The following C20orf173 variants were observed in gnomAD, a reference collection of about 807,000 sequenced individuals.
C20orf173 encodes the protein chromosome 20 open reading frame 173.
A neutral mutation model predicts 26.7 loss-of-function variants in C20orf173; 22 were observed. The ratio of observed to expected loss-of-function variants is 0.82; its 90% CI spans 0.59 to 1.18. C20orf173 has a LOEUF of 1.18. Among genes scored for constraint, C20orf173 ranks in the 50% most tolerant of loss-of-function variants. The pLI is 0.00. For synonymous variants in C20orf173, 85 were observed against 96.4 expected, an observed-to-expected ratio of 0.88 and a Z score of 0.69; for missense variants, 210 against 250.3, an observed-to-expected ratio of 0.84 and a Z score of 1.09.
rs1207467653 is a variant in C20orf173, at chr20:35,528,563, T to A, written c.489-19A>T. ...GGCATTCCTGGGATAGATGAAGCAT[T>A]GTGTGTGGTTTGGTTCCCCACGTCC... On this transcript the variant is annotated intron_variant, in intron 3 of 5. Transcript: ENST00000444723. 6.4e-7 allele frequency: 1 copy of A among 1,551,268 alleles called. No individual in the cohort carries two copies. The highest frequency in any genetic ancestry group is 1.2e-5 in the South Asian group (1 of 84,048).
downstream of C20orf173, among the ~76,000 whole-genome samples, chr20:35,525,412 C>T (rs375865136): frequency 1.2e-3 from 188 of 152,164 alleles, no homozygotes; most frequent in African/African-American, 4.4e-3. Flanking sequence ...ATTAGCCAGG[C>T]GTAGTGGCGG....
rs2064508762 is a variant in C20orf173 at position 35,527,175 on chromosome 20, C to T, written c.*101G>A. The T allele has an allele frequency of 6.6e-6, 1 of 152,218 alleles. No individual in the cohort carries two copies. Among genetic ancestry groups the T allele is most frequent in the Admixed American group, 6.6e-5 (1 of 15,264 alleles). 9.4% of individuals were successfully genotyped at this position (152,218 alleles called of 1,614,324 possible). A position where few individuals can be genotyped will look rare whatever the true frequency, so the allele number is the denominator to read the frequency against. On this transcript the variant is annotated 3_prime_UTR_variant, in exon 6 of 6. Coordinates refer to ENST00000444723, the MANE Select transcript of C20orf173 (RefSeq NM_001145350.2). ...GACGTGGGCAGTATTTCCTTGGAGC[C>T]CTTGGTCTGATTATCCTCCTTCCAG...
chr20:35,525,024 A>C (rs1299603277), downstream of C20orf173, among the ~76,000 whole-genome samples: 1 of 151,674 alleles, frequency 6.6e-6, no homozygotes, highest in Non-Finnish European at 1.5e-5. Flanking sequence ...CTTTCTAAGA[A>C]AGGGTGTGTA....
downstream of C20orf173, chr20:35,522,459 A>G (rs1347499880): frequency 6.6e-6 from 1 of 152,406 alleles, no homozygotes; most frequent in Non-Finnish European, 1.5e-5. Flanking sequence ...TCCAGACCAG[A>G]TGAATTCAAC....
Position 35,528,296 on chromosome 20 carries a change from T to A in C20orf173, c.583-12A>T. On this transcript the variant is annotated splice_polypyrimidine_tract_variant and intron_variant, in intron 4 of 5. Transcript: ENST00000444723. ...CCATCTTCCAAAATCTGAGAAAGAA[T>A]TGGAGGTGGGGGAGTTTGGGCCACA... 1 of 1,551,912 alleles carries A rather than the reference T, an allele frequency of 6.4e-7. No homozygotes were observed. Among genetic ancestry groups the A allele is most frequent in the African/African-American group, 1.4e-5 (1 of 73,132 alleles).
In C20orf173 at chr20:35,528,871, G is replaced by A. The variant is rs1331395505; in HGVS notation, c.318C>T (p.Asn106=). 6.4e-7 allele frequency: 1 copy of A among 1,551,576 alleles called. No homozygotes were observed. The highest frequency in any genetic ancestry group is 2.4e-5 in the East Asian group (1 of 40,908). ...ACAATTTCCCAAGCTCGCTCCCTGA[G>A]TTCATGCCCTGGAAACAGCAAGAGG... ...SDTVLWWLGM[N]SGSELGKLWR... The change falls in exon 3 of 6, where the codon AAC becomes AAT. Residue 106 remains asparagine, a synonymous_variant. Coordinates refer to ENST00000444723, the MANE Select transcript of C20orf173 (RefSeq NM_001145350.2).
downstream of C20orf173, among the ~76,000 whole-genome samples, chr20:35,525,637 C>T (rs1186688975): frequency 6.6e-6 from 1 of 152,166 alleles, no homozygotes; most frequent in Non-Finnish European, 1.5e-5. Context: ...GGAGTGATGC[C>T]TCTGATGCAG....
chr20:35,528,966 G>A (rs1280578755), intron 2 of C20orf173, 87 bp from the exon 3 acceptor site: 8 of 1,539,768 alleles, frequency 5.2e-6, no homozygotes, highest in South Asian at 1.2e-5. Context: ...CAGAGGCTGT[G>A]AAGACAGGGC....
intron 5 of C20orf173, among the ~76,000 whole-genome samples, chr20:35,527,726 C>T (rs1601347661): frequency 6.6e-6 from 1 of 152,168 alleles, no homozygotes; most frequent in Middle Eastern, 3.4e-3. Context: ...TCAAGCGATT[C>T]TTCTACCTCA....
At chr20:35,526,152 G>A (rs1360544145), downstream of C20orf173, among the ~76,000 whole-genome samples, 1 of 152,166 alleles carries the variant, frequency 6.6e-6, no homozygotes, top group East Asian at 1.9e-4. Flanking sequence ...GACTACCCCA[G>A]GAATGGCCCA....
downstream of C20orf173, among the ~76,000 whole-genome samples, chr20:35,525,007 G>A (rs114748973): frequency 0.011 from 1,708 of 151,562 alleles, 29 homozygotes; most frequent in African/African-American, 0.038. Flanking sequence ...CCTTTTGTTC[G>A]TGGTAACTTT....
downstream of C20orf173, among the ~76,000 whole-genome samples, chr20:35,523,671 T>C (rs1287125109): frequency 6.6e-6 from 1 of 152,190 alleles, no homozygotes; most frequent in East Asian, 1.9e-4. Flanking sequence ...TGTGACCTAC[T>C]CCACCAAGGC....
downstream of C20orf173, among the ~76,000 whole-genome samples, chr20:35,521,342 C>T (rs1053401820): frequency 2.0e-5 from 3 of 152,004 alleles, no homozygotes; most frequent in African/African-American, 7.3e-5. Context: ...GACCCCAGAG[C>T]CCAGAAAAGA....
chr20:35,526,108 C>T (rs1437388187), downstream of C20orf173, among the ~76,000 whole-genome samples: 1 of 152,200 alleles, frequency 6.6e-6, no homozygotes, highest in African/African-American at 2.4e-5. Context: ...GAGAACCAGG[C>T]TCAGTCTATC....
At position 35,528,731 on chromosome 20, in the gene C20orf173, T is replaced by C. The variant is rs1429371388; in HGVS notation, c.458A>G (p.Asn153Ser). The change falls in exon 3 of 6, where the codon AAC (asparagine) becomes AGC (serine). Residue 153 changes from asparagine to serine, a missense_variant. Asn to Ser is a conservative substitution (Grantham distance 46, BLOSUM62 1). Transcript: ENST00000444723. Reference sequence around the variant, plus strand: ...AACCACGGGGTATTGGTCGATGTCGTTGCCAAGGCTGGAGCCCTGCGGGAT... The same window carrying C: ...AACCACGGGGTATTGGTCGATGTCGCTGCCAAGGCTGGAGCCCTGCGGGAT... ...PQIPQGSSLG[N>S]DIDQYPVVFR... 2 of 1,540,806 alleles carry C rather than the reference T, an allele frequency of 1.3e-6. No homozygotes were observed. Among genetic ancestry groups the C allele is most frequent in the East Asian group, 2.5e-5 (1 of 40,814 alleles).
rs1224766307 is a variant in C20orf173 at position 35,529,295 on chromosome 20, T to C, written c.79A>G (p.Thr27Ala). ...LWLMTPYLDL[T>A]PESAPQEKRM... is the part of the protein sequence containing the mutation. ...TTTTCCTGGGGTGCTGATTCAGGTG[T>C]CAGATCCAGATAGGGGGTCATCAGC... is the stretch of plus-strand genomic sequence containing the variant. The change falls in exon 2 of 6, where the codon ACA becomes GCA. Residue 27 changes from threonine to alanine, a missense_variant. Transcript: ENST00000444723. The C allele has an allele frequency of 6.4e-7, 1 of 1,551,450 alleles. No homozygotes were observed. Among genetic ancestry groups the C allele is most frequent in the Admixed American group, 2.0e-5 (1 of 50,982 alleles).
At chr20:35,526,771 CAAG>C (rs139998633), downstream of C20orf173, among the ~76,000 whole-genome samples, 27,587 of 151,686 alleles carry the variant, frequency 0.18, 2,824 homozygotes, top group Middle Eastern at 0.3. Flanking sequence ...ATGGGTGAAA[CAAG>C]GAGGTTTACT....
chr20:35,528,334 G>A, intron 4 of C20orf173, 50 bp from the exon 5 acceptor site: 2 of 1,550,944 alleles, frequency 1.3e-6, no homozygotes, highest in African/African-American at 1.4e-5. Context: ...ACCTGGGAAA[G>A]TCCTGCAAGT....
Position 35,529,051 on chromosome 20 carries a change from T to C in C20orf173, c.309+14A>G. ...GCATGGGGGATATGGCCGGGCCCAG[T>C]GTTGACCACTGACCAACCACCAGAG... On this transcript the variant is annotated intron_variant, in intron 2 of 5. Coordinates refer to ENST00000444723, the MANE Select transcript of C20orf173 (RefSeq NM_001145350.2). 6.5e-7 allele frequency: 1 copy of C among 1,546,920 alleles called. No individual in the cohort carries two copies. The highest frequency in any genetic ancestry group is 8.7e-7 in the Non-Finnish European group (1 of 1,143,180).
Sources: gnomAD v4.1 joint callset for allele counts (sites outside exome capture counted in the v4.1 genomes callset) on GRCh38, gnomAD v4.1.1 for gene constraint, MANE v1.5 for transcripts, NCBI Gene and HGNC (gene_info 2026-07-23, HGNC 2026-07-21) for gene names.